The following MARCHF7 variants were observed in gnomAD, a reference collection of about 807,000 sequenced individuals.
MARCHF7 encodes the protein membrane associated ring-CH-type finger 7.
A neutral mutation model predicts 76.5 loss-of-function variants in MARCHF7; 20 were observed. The ratio of observed to expected loss-of-function variants is 0.26; its 90% CI spans 0.18 to 0.38. The LOEUF (loss-of-function observed/expected upper bound fraction) is 0.38, where lower values mean the gene tolerates loss of function less well. Among genes scored for constraint, MARCHF7 ranks in the 10% least tolerant of loss-of-function variants. The pLI is 1.00. For missense variants in MARCHF7, 797 were observed against 812.9 expected, an observed-to-expected ratio of 0.98 and a Z score of 0.24; for synonymous variants, 295 against 293.0, an observed-to-expected ratio of 1.01 and a Z score of -0.07.
chr2:159,719,393 AC>A (rs1271772268), intron 3 of MARCHF7, among the ~76,000 whole-genome samples: 4 of 149,012 alleles, frequency 2.7e-5, no homozygotes, highest in African/African-American at 9.9e-5. Context: ...CCCCACCACC[AC>A]CCCGCCCACT....
rs370121797 is a variant in MARCHF7 at position 159,752,455 on chromosome 2, A to G, written c.1667A>G (p.Gln556Arg). The G allele has an allele frequency of 3.1e-6, 5 of 1,605,272 alleles. No homozygotes were observed. In the African/African-American group the frequency reaches 6.7e-5, roughly 22 times the overall value. ...GAAGGTGACTTATGTAGAATTTGTC[A>G]AATGGCAGCTGCATCATCATCTAAT... ...EEEGDLCRIC[Q>R]MAAASSSNLL... is the part of the protein sequence containing the mutation. The change falls in exon 8 of 12, where the codon CAA becomes CGA. Residue 556 changes from glutamine (Q) to arginine (R), a missense_variant. This residue lies in a region of MARCHF7 where 30 missense variants were observed against 60.1 expected (regional missense o/e 0.50). Transcript: ENST00000409175.
chr2:159,741,796 A>T lies in MARCHF7; in HGVS notation c.154-1265A>T, dbSNP rs148868121. On this transcript the variant is annotated intron_variant, in intron 4 of 11. Transcript: ENST00000409175. ...TAACTCATGGTAACATGCTTTAAAA[A>T]ATTATTTTTCTTTTATATCCTGAAA... 7.9e-5 allele frequency among the ~76,000 whole-genome samples: 12 copies of T among 152,322 alleles called. No homozygotes were observed. In the East Asian group the frequency reaches 1.5e-3, roughly 20 times the overall value.
At position 159,748,021 on chromosome 2, in the gene MARCHF7, A is replaced by C; in HGVS notation, c.731A>C (p.Tyr244Ser). Residue 244 changes from tyrosine (Y) to serine (S), a missense_variant, in exon 7 of 12, where the codon TAC becomes TCC. Coordinates refer to ENST00000409175, the MANE Select transcript of MARCHF7 (RefSeq NM_001282805.2). ...SRSNTQPGFS[Y>S]SSSRDEAPII... ...AGCAATACGCAGCCTGGATTTTCTT[A>C]CAGTTCAAGTAGAGATGAAGCCCCA... is the stretch of plus-strand genomic sequence containing the variant. 1 of 1,614,176 alleles carries C rather than the reference A, an allele frequency of 6.2e-7. No homozygotes were observed. Among genetic ancestry groups the C allele is most frequent in the South Asian group, 1.1e-5 (1 of 91,080 alleles).
In MARCHF7 at chr2:159,759,331, A is replaced by G; in HGVS notation, c.1889A>G (p.Glu630Gly). The G allele has an allele frequency of 6.3e-7, 1 of 1,578,420 alleles. No individual in the cohort carries two copies. The highest frequency in any genetic ancestry group is 8.7e-7 in the Non-Finnish European group (1 of 1,151,308). Residue 630 changes from glutamate (E) to glycine (G), a missense_variant, in exon 9 of 12, where the codon GAA becomes GGA. Glu to Gly is a moderately conservative substitution (Grantham distance 98). This residue lies in a region of MARCHF7 where 124 missense variants were observed against 121.3 expected (regional missense o/e 1.02). Transcript: ENST00000409175. ...GAACTACATAGAGCTCATGCAAATG[A>G]ACAAGTTAGTATATTTTGCCTAATT... ...IHELHRAHAN[E>G]QAEYEFISSG...
chr2:159,767,214 C>A, intron 11 of MARCHF7, 70 bp from the exon 12 acceptor site: 2 of 1,095,364 alleles, frequency 1.8e-6, no homozygotes, highest in Non-Finnish European at 2.8e-6. Flanking sequence ...GCTGTTCTGG[C>A]TTCATATTTA....
In MARCHF7 at chr2:159,745,898, G is replaced by T; in HGVS notation, c.475G>T (p.Asp159Tyr). 2 of 1,611,940 alleles carry T rather than the reference G, an allele frequency of 1.2e-6. No individual in the cohort carries two copies. The highest frequency in any genetic ancestry group is 1.7e-6 in the Non-Finnish European group (2 of 1,179,186). ...RTDSSISNLM[D>Y]YSHRSGDFTT... ...AGATTCCTCTATTAGTAATCTTATGGATTATAGTCACCGAAGTGGTGATTT... is the reference window on the plus strand; with the variant it reads ...AGATTCCTCTATTAGTAATCTTATGTATTATAGTCACCGAAGTGGTGATTT... The change falls in exon 6 of 12, where the codon GAT becomes TAT. Residue 159 changes from aspartate (D) to tyrosine (Y), a missense_variant. By Grantham distance (160) the Asp-to-Tyr change is radical. Around this residue, in one of 3 missense-constraint regions of MARCHF7, gnomAD observed 643 missense variants for 631.5 expected, o/e 1.02. Coordinates refer to ENST00000409175, the MANE Select transcript of MARCHF7 (RefSeq NM_001282805.2).
At chr2:159,749,167 G>A (rs574009730) in intron 7 of MARCHF7, among the ~76,000 whole-genome samples, 2 of 151,596 alleles carry the variant, frequency 1.3e-5, no homozygotes, top group South Asian at 2.1e-4. Context: ...TAGTAGGGAC[G>A]GGGTTTCACC....
intron 3 of MARCHF7, among the ~76,000 whole-genome samples, chr2:159,727,470 C>T (rs1184838934): frequency 1.3e-5 from 2 of 152,148 alleles, no homozygotes; most frequent in African/African-American, 2.4e-5. Context: ...AGCCTGTAGT[C>T]CCAGCTCCTT....
intron 1 of MARCHF7, among the ~76,000 whole-genome samples, chr2:159,713,034 G>A (rs1037508263): frequency 1.3e-5 from 2 of 152,194 alleles, no homozygotes; most frequent in African/African-American, 4.8e-5. Context: ...GCGTGAGCTC[G>A]CCGGTGAGCG....
At chr2:159,715,937 A>T (rs1048245295) in intron 3 of MARCHF7, among the ~76,000 whole-genome samples, 171 bp downstream of exon 3, 1 of 152,222 alleles carries the variant, frequency 6.6e-6, no homozygotes, top group African/African-American at 2.4e-5. Flanking sequence ...AATGGTTTCT[A>T]CTTAAGATCG....
intron 3 of MARCHF7, among the ~76,000 whole-genome samples, chr2:159,718,049 T>C (rs1349835581): frequency 1.3e-5 from 2 of 152,258 alleles, no homozygotes; most frequent in Non-Finnish European, 2.9e-5. Flanking sequence ...TGGTTAATAA[T>C]AGCTAGTATT....
chr2:159,747,110 C>A (rs564787652), intron 6 of MARCHF7, among the ~76,000 whole-genome samples: 1 of 152,184 alleles, frequency 6.6e-6, no homozygotes, highest in East Asian at 1.9e-4. Context: ...ATTTCTCATC[C>A]CATTTGAAGA....
At chr2:159,716,817 T>A (rs906098879) in intron 3 of MARCHF7, among the ~76,000 whole-genome samples, 2 of 152,236 alleles carry the variant, frequency 1.3e-5, no homozygotes, top group Non-Finnish European at 1.5e-5. Flanking sequence ...TTTCAGAGAC[T>A]GCAGGCATAA....
rs192715462 is a variant in MARCHF7, at chr2:159,737,764, G to C, written c.154-5297G>C. Among the ~76,000 whole-genome samples, 669 of 152,254 alleles carry C rather than the reference G, an allele frequency of 4.4e-3. 2 individuals are homozygous for C. The highest frequency in any genetic ancestry group is 6.8e-3 in the Middle Eastern group (2 of 294). On this transcript the variant is annotated intron_variant, in intron 4 of 11. Transcript: ENST00000409175. ...GATTGCATCACTGCATTCTAGCCTG[G>C]GCAACAGAGCTGAGACCCTGTCTCA...
chr2:159,761,171 C>T (rs557682980), intron 9 of MARCHF7, among the ~76,000 whole-genome samples: 33 of 149,612 alleles, frequency 2.2e-4, no homozygotes, highest in Admixed American at 1.1e-3. Context: ...GATTGCCACC[C>T]GCCTCCACAC....
In MARCHF7 at chr2:159,764,614, C is replaced by T. The variant is rs753822205; in HGVS notation, c.2008-12C>T. On this transcript the variant is annotated splice_polypyrimidine_tract_variant and intron_variant, in intron 10 of 11. Transcript: ENST00000409175. ...ATTTAAACTACTGTATTTCTTTCTGCATTGTTTCTAGTTTATTAACCTTGC... is the reference window on the plus strand; with the variant it reads ...ATTTAAACTACTGTATTTCTTTCTGTATTGTTTCTAGTTTATTAACCTTGC... 5 of 1,585,516 alleles carry T rather than the reference C, an allele frequency of 3.2e-6. No homozygotes were observed. Among genetic ancestry groups the T allele is most frequent in the Non-Finnish European group, 4.3e-6 (5 of 1,163,818 alleles).
intron 7 of MARCHF7, among the ~76,000 whole-genome samples, chr2:159,750,613 C>T (rs1307082134): frequency 1.3e-5 from 2 of 152,114 alleles, no homozygotes; most frequent in East Asian, 3.9e-4. Flanking sequence ...TTGAAGGTTG[C>T]TTATAAATCA....
At chr2:159,726,304 C>A (rs1014741109) in intron 3 of MARCHF7, among the ~76,000 whole-genome samples, 1 of 151,908 alleles carries the variant, frequency 6.6e-6, no homozygotes, top group East Asian at 1.9e-4. Context: ...GCTCTTGCAC[C>A]CAGGCCAGAG....
chr2:159,729,405 T>G (rs1019303572), intron 4 of MARCHF7, among the ~76,000 whole-genome samples: 11 of 152,186 alleles, frequency 7.2e-5, no homozygotes, highest in Non-Finnish European at 1.3e-4. Context: ...GAACGGTGGC[T>G]CACGCCTGTA....
Sources: gnomAD v4.1 joint callset for allele counts (sites outside exome capture counted in the v4.1 genomes callset) on GRCh38, gnomAD v4.1.1 for gene constraint, gnomAD v4.1.1 regional missense constraint, MANE v1.5 for transcripts, NCBI Gene and HGNC (gene_info 2026-07-23, HGNC 2026-07-21) for gene names.